CSTF1: variants seen among roughly 807,000 people sequenced by gnomAD.
CSTF1 encodes CF-1 50 kDa subunit.
In CSTF1, 2 loss-of-function variants were observed where a neutral mutation model predicts 40.9. That is an observed-to-expected ratio of 0.05 (90% CI 0.02 to 0.15). CSTF1 has a LOEUF of 0.15. Among genes scored for constraint, CSTF1 ranks in the 10% least tolerant of loss-of-function variants. The pLI is 1.00. For synonymous variants in CSTF1, 218 were observed against 207.2 expected, an observed-to-expected ratio of 1.05 and a Z score of -0.45; for missense variants, 279 against 558.9, an observed-to-expected ratio of 0.50 and a Z score of 5.05.
rs1370352307 is a variant in CSTF1, at chr20:56,399,985, TAATG to T, written c.1036+633_1036+636del. On this transcript the variant is annotated intron_variant, in intron 5 of 5. Coordinates refer to ENST00000217109, the MANE Select transcript of CSTF1 (RefSeq NM_001324.3). This position sits in a 1 kb window ranked among gnomAD's most constrained non-coding sequence, Gnocchi z 4.6. ...GTAGGGCCCAAGTCTGGTTATTTGA[TAATG>T]AATGTTAAAACACTGTCTTCTGTTC... is the stretch of plus-strand genomic sequence containing the variant. Among the ~76,000 whole-genome samples, 1 of 152,222 alleles carries T rather than the reference TAATG, an allele frequency of 6.6e-6. No individual in the cohort carries two copies. The highest frequency in any genetic ancestry group is 2.4e-5 in the African/African-American group (1 of 41,460).
At chr20:56,393,019 C>T (rs531348721) in intron 1 of CSTF1, among the ~76,000 whole-genome samples, 1 of 152,140 alleles carries the variant, frequency 6.6e-6, no homozygotes, top group African/African-American at 2.4e-5. Context: ...GGTTCTTGTC[C>T]TCGTGTGCTC....
intron 2 of CSTF1, 36 bp downstream of exon 2, chr20:56,395,757 A>G (rs754995061): frequency 5.0e-6 from 8 of 1,601,458 alleles, no homozygotes. Flanking sequence ...GTCCCATGGC[A>G]AGGTTTTAGA....
At chr20:56,403,411 G>A (rs952711771) in intron 5 of CSTF1, 57 bp from the exon 6 acceptor site, 57 of 1,599,416 alleles carry the variant, frequency 3.6e-5, no homozygotes, top group Admixed American at 2.2e-4. Flanking sequence ...ATGCTAGAAC[G>A]TTCTGAGGGT....
Position 56,404,028 on chromosome 20 carries a change from C to T in CSTF1, c.*301C>T, listed in dbSNP as rs1978595185. 3 of 278,806 alleles carry T rather than the reference C, an allele frequency of 1.1e-5. No individual in the cohort carries two copies. The highest frequency in any genetic ancestry group is 2.0e-5 in the Non-Finnish European group (3 of 147,334). The allele number at this position is 278,806 out of a possible 1,614,324, so 17.3% of individuals were successfully genotyped here. A position where few individuals can be genotyped will look rare whatever the true frequency, so the allele number is the denominator to read the frequency against. On this transcript the variant is annotated 3_prime_UTR_variant, in exon 6 of 6. Coordinates refer to ENST00000217109, the MANE Select transcript of CSTF1 (RefSeq NM_001324.3). ...ATCTCTTGATTGAAGGAGGATAGGGCATTAAAGTGCTTTTGACATGAGGAA... is the reference window on the plus strand; with the variant it reads ...ATCTCTTGATTGAAGGAGGATAGGGTATTAAAGTGCTTTTGACATGAGGAA...
chr20:56,393,884 C>A (rs148571249), intron 1 of CSTF1, among the ~76,000 whole-genome samples: 12 of 152,194 alleles, frequency 7.9e-5, no homozygotes, highest in African/African-American at 2.9e-4. Context: ...AAGCCTCTTC[C>A]CGCCTGCTGT....
At position 56,397,196 on chromosome 20, in the gene CSTF1, A is replaced by T. The variant is rs1987541906; in HGVS notation, c.170-11A>T. 1 of 1,602,252 alleles carries T rather than the reference A, an allele frequency of 6.2e-7. No homozygotes were observed. Among genetic ancestry groups the T allele is most frequent in the Admixed American group, 1.7e-5 (1 of 58,028 alleles). ...TTGTTTTGTTACGCCCTTAATTTTG[A>T]TTTCTTTCAGGAATGGAAAACGATG... On this transcript the variant is annotated splice_polypyrimidine_tract_variant and intron_variant, in intron 2 of 5. Coordinates refer to ENST00000217109, the MANE Select transcript of CSTF1 (RefSeq NM_001324.3). This position sits in a 1 kb window ranked among gnomAD's most constrained non-coding sequence, Gnocchi z 4.4.
Position 56,404,505 on chromosome 20 carries a change from C to G in CSTF1, c.*778C>G, listed in dbSNP as rs887927504. 2 of 152,146 alleles carry G rather than the reference C, an allele frequency of 1.3e-5. No individual in the cohort carries two copies. Among genetic ancestry groups the G allele is most frequent in the African/African-American group, 2.4e-5 (1 of 41,432 alleles). 9.4% of individuals were successfully genotyped at this position (152,146 alleles called of 1,614,324 possible). On this transcript the variant is annotated 3_prime_UTR_variant, in exon 6 of 6. Coordinates refer to ENST00000217109, the MANE Select transcript of CSTF1 (RefSeq NM_001324.3). ...GCCTGTCTTCACGAATGATTAGTAT[C>G]GATTGACCTCTTTCTTAGGTGGTTT...
chr20:56,395,351 A>G (rs964071465), intron 1 of CSTF1, among the ~76,000 whole-genome samples, 170 bp from the exon 2 acceptor site: 2 of 152,214 alleles, frequency 1.3e-5, no homozygotes, highest in African/African-American at 4.8e-5. Context: ...CAGTAACTTA[A>G]CAGCTGAAGA....
rs759614037 is a variant in CSTF1, at chr20:56,397,864, T to C, written c.645+23T>C. The C allele has an allele frequency of 6.4e-6, 10 of 1,554,314 alleles. 1 individual carries two copies. In the Admixed American group the frequency reaches 1.0e-4, roughly 16 times the overall value. Reference sequence around the variant, plus strand: ...CAGGTAGGAATCTTTAGAAAGGAGCTTTACATTTTTTCTTAAATACAATGA... The same window carrying C: ...CAGGTAGGAATCTTTAGAAAGGAGCCTTACATTTTTTCTTAAATACAATGA... On this transcript the variant is annotated intron_variant, in intron 4 of 5. Transcript: ENST00000217109. This position sits in a 1 kb window ranked among gnomAD's most constrained non-coding sequence, Gnocchi z 4.4.
At chr20:56,392,417 G>A (rs913616347), upstream of CSTF1, 2 of 152,332 alleles carry the variant, frequency 1.3e-5, no homozygotes, top group Non-Finnish European at 1.5e-5. Context: ...ACCTGTGGCA[G>A]TCCCAGCCCC....
Position 56,397,438 on chromosome 20 carries a change from T to C in CSTF1, c.401T>C (p.Ile134Thr). 1 of 1,614,180 alleles carries C rather than the reference T, an allele frequency of 6.2e-7. No homozygotes were observed. The highest frequency in any genetic ancestry group is 8.5e-7 in the Non-Finnish European group (1 of 1,180,042). ...ATGSADASIK[I>T]LDTERMLAKS... ...GGGTCTGCTGATGCTTCGATAAAGA[T>C]ACTTGACACAGAGAGGATGTTGGCC... The change falls in exon 3 of 6, where the codon ATA (isoleucine) becomes ACA (threonine). Residue 134 changes from isoleucine (I) to threonine (T), a missense_variant. This residue lies in a region of CSTF1 where 66 missense variants were observed against 148.0 expected (regional missense o/e 0.45). Transcript: ENST00000217109. The surrounding 1 kb of genome is among the most constrained non-coding windows in gnomAD (Gnocchi z 4.4).
At chr20:56,398,843 A>T in intron 4 of CSTF1, 124 bp from the exon 5 acceptor site, 2 of 876,784 alleles carry the variant, frequency 2.3e-6, no homozygotes, top group Non-Finnish European at 1.7e-6. Flanking sequence ...TTTTCTTATG[A>T]TACCTGTGTA....
intron 2 of CSTF1, chr20:56,396,057 G>A (rs762355931): frequency 6.3e-5 from 12 of 189,486 alleles, no homozygotes; most frequent in Non-Finnish European, 1.1e-4. Flanking sequence ...CGACCCTTTC[G>A]TGCATTTTCC....
Position 56,405,956 on chromosome 20 carries a change from A to G in CSTF1, c.*2229A>G, listed in dbSNP as rs182315587. On this transcript the variant is annotated 3_prime_UTR_variant, in exon 6 of 6. Transcript: ENST00000217109. ...TACTAAAATGACCACATGGCACTCC[A>G]TTGAATCTTTTCAGTTGTTCACGAA... 14 of 152,356 alleles carry G rather than the reference A, an allele frequency of 9.2e-5. No homozygotes were observed. The East Asian group carries it at 2.7e-3, about 29-fold the overall frequency. The allele number at this position is 152,356 out of a possible 1,614,324, so 9.4% of individuals were successfully genotyped here.
Position 56,405,229 on chromosome 20 carries a change from G to A in CSTF1, c.*1502G>A, listed in dbSNP as rs1016560516. On this transcript the variant is annotated 3_prime_UTR_variant, in exon 6 of 6. Transcript: ENST00000217109. ...GTTTTGTTTGTTTTGTTTTTGAGACGGAGTTTCGCTCTTGTCCCCCAGGCT... is the reference window on the plus strand; with the variant it reads ...GTTTTGTTTGTTTTGTTTTTGAGACAGAGTTTCGCTCTTGTCCCCCAGGCT... 1.3e-5 allele frequency: 2 copies of A among 151,970 alleles called. No homozygotes were observed. The highest frequency in any genetic ancestry group is 2.9e-5 in the Non-Finnish European group (2 of 68,014). 9.4% of individuals were successfully genotyped at this position (151,970 alleles called of 1,614,324 possible).
chr20:56,395,260 C>T (rs747580392), intron 1 of CSTF1, among the ~76,000 whole-genome samples: 1 of 152,216 alleles, frequency 6.6e-6, no homozygotes, highest in Non-Finnish European at 1.5e-5. Context: ...GTACCGTAAA[C>T]ACTGGCTAAC....
chr20:56,400,795 C>G (rs1239477581), intron 5 of CSTF1, among the ~76,000 whole-genome samples: 1 of 152,176 alleles, frequency 6.6e-6, no homozygotes, highest in Non-Finnish European at 1.5e-5. Context: ...AATCCCAGCA[C>G]TTTGGGAGGC....
chr20:56,394,342 T>C (rs911380553), intron 1 of CSTF1, among the ~76,000 whole-genome samples: 4 of 152,082 alleles, frequency 2.6e-5, no homozygotes, highest in Non-Finnish European at 5.9e-5. Flanking sequence ...TCCCAGCACT[T>C]TGGGAGGCGG....
At chr20:56,394,799 T>TA (rs1367417531) in intron 1 of CSTF1, among the ~76,000 whole-genome samples, 1 of 152,240 alleles carries the variant, frequency 6.6e-6, no homozygotes, top group Non-Finnish European at 1.5e-5. Flanking sequence ...AAGGAAAACT[T>TA]AGACACTTGT....
Sources: allele counts gnomAD v4.1 joint callset (sites outside exome capture counted in the v4.1 genomes callset), GRCh38; gene constraint gnomAD v4.1.1; regional missense constraint gnomAD v4.1.1; non-coding constraint Gnocchi (gnomAD v3.1); transcripts MANE v1.5; gene names NCBI Gene and HGNC (gene_info 2026-07-23, HGNC 2026-07-21).